The following SLC25A13 variants were observed in gnomAD, a reference collection of about 807,000 sequenced individuals.
SLC25A13 encodes the protein electrogenic aspartate/glutamate antiporter SLC25A13, mitochondrial.
Under a neutral mutation model 85.5 loss-of-function variants are expected in SLC25A13, and 70 were observed. The ratio of observed to expected loss-of-function variants is 0.82; its 90% CI spans 0.68 to 1.00. SLC25A13 has a LOEUF of 1.00. SLC25A13 is among the 50% of genes least tolerant of loss of function. The pLI is 0.00. For missense variants in SLC25A13, 765 were observed against 819.8 expected, an observed-to-expected ratio of 0.93 and a Z score of 0.82; for synonymous variants, 259 against 288.7, an observed-to-expected ratio of 0.90 and a Z score of 1.04.
intron 3 of SLC25A13, among the ~76,000 whole-genome samples, chr7:96,263,683 T>C (rs1367945335): frequency 1.3e-5 from 2 of 152,146 alleles, no homozygotes; most frequent in Non-Finnish European, 2.9e-5. Context: ...TCTCAACTTC[T>C]ATCTTAGTTC....
intron 2 of SLC25A13, 106 bp from the exon 3 acceptor site, chr7:96,277,444 T>C: frequency 9.6e-7 from 1 of 1,044,886 alleles, no homozygotes; most frequent in South Asian, 1.4e-5. Flanking sequence ...CGATAAAATA[T>C]CAGATATGAT....
At chr7:96,254,137 A>C (rs1195804465) in intron 3 of SLC25A13, among the ~76,000 whole-genome samples, 4 of 152,140 alleles carry the variant, frequency 2.6e-5, no homozygotes, top group African/African-American at 9.7e-5. Context: ...AGTCAGATTA[A>C]ACATTATTTC....
chr7:96,193,145 T>C lies in SLC25A13; in HGVS notation c.507A>G (p.Gln169=), dbSNP rs757796108. ...QLEHAKQAFV[Q]RDNARTGRVT... ...CTCTCCCAGTCCTAGCATTGTCCCG[T>C]TGCACAAAGGCTTGCTTTGCGTGCT... Residue 169 remains glutamine (Q), a synonymous_variant, in exon 6 of 18, where the codon CAA becomes CAG. Transcript: ENST00000265631. The C allele has an allele frequency of 1.1e-5, 18 of 1,614,054 alleles. No individual in the cohort carries two copies. Among genetic ancestry groups the C allele is most frequent in the East Asian group, 2.2e-5 (1 of 44,894 alleles).
intron 1 of SLC25A13, among the ~76,000 whole-genome samples, chr7:96,313,775 A>T (rs1234647701): frequency 1.3e-5 from 2 of 152,166 alleles, no homozygotes; most frequent in African/African-American, 4.8e-5. Context: ...AGTTGAAATT[A>T]TTTTTTAAAA....
chr7:96,299,473 G>A (rs1168560306), intron 1 of SLC25A13, among the ~76,000 whole-genome samples: 1 of 152,170 alleles, frequency 6.6e-6, no homozygotes, highest in Non-Finnish European at 1.5e-5. Context: ...TTTTACAGAA[G>A]AGGAAACCAA....
At chr7:96,227,503 A>T (rs1237796173) in intron 4 of SLC25A13, among the ~76,000 whole-genome samples, 2 of 152,240 alleles carry the variant, frequency 1.3e-5, no homozygotes, top group African/African-American at 4.8e-5. Flanking sequence ...CTTAAAGAAT[A>T]AAGTTGAAAA....
intron 1 of SLC25A13, among the ~76,000 whole-genome samples, chr7:96,299,412 G>A (rs1446939346): frequency 2.6e-5 from 4 of 152,174 alleles, no homozygotes; most frequent in East Asian, 1.9e-4. Context: ...CTATTATCTC[G>A]TTGGATTCTC....
chr7:96,172,385 CTG>C (rs1431568726), intron 11 of SLC25A13, among the ~76,000 whole-genome samples: 3 of 152,000 alleles, frequency 2.0e-5, no homozygotes, highest in Non-Finnish European at 4.4e-5. Flanking sequence ...AGGTGAAACC[CTG>C]TCTCTACTAA....
intron 5 of SLC25A13, 74 bp downstream of exon 5, chr7:96,208,764 C>T (rs765776818): frequency 1.5e-5 from 23 of 1,578,830 alleles, no homozygotes; most frequent in Admixed American, 1.3e-4. Context: ...CTCGGCCTCC[C>T]AAAGTGCTAG....
At chr7:96,264,886 AAAAGCAGT>A (rs1367768512) in intron 3 of SLC25A13, among the ~76,000 whole-genome samples, 1 of 152,190 alleles carries the variant, frequency 6.6e-6, no homozygotes, top group Non-Finnish European at 1.5e-5. Context: ...ATTTAGTGAG[AAAAGCAGT>A]TTTATATCTT....
intron 13 of SLC25A13, among the ~76,000 whole-genome samples, chr7:96,158,985 T>G (rs554540128): frequency 1.3e-5 from 2 of 152,326 alleles, no homozygotes; most frequent in South Asian, 4.1e-4. Flanking sequence ...AAAGAGATAT[T>G]CAGCAAATAG....
intron 11 of SLC25A13, among the ~76,000 whole-genome samples, chr7:96,180,174 G>T (rs747281872): frequency 6.6e-4 from 98 of 148,008 alleles, no homozygotes; most frequent in East Asian, 9.8e-4. Flanking sequence ...AAAAAATGTG[G>T]TTTTTTTTTT....
At chr7:96,206,207 C>T (rs1795458075) in intron 5 of SLC25A13, among the ~76,000 whole-genome samples, 1 of 152,228 alleles carries the variant, frequency 6.6e-6, no homozygotes, top group Admixed American at 6.5e-5. Flanking sequence ...AGCTTGTTCA[C>T]ATTTCAAGCA....
chr7:96,224,550 G>A (rs552695623), intron 4 of SLC25A13, among the ~76,000 whole-genome samples: 1 of 152,152 alleles, frequency 6.6e-6, no homozygotes, highest in East Asian at 1.9e-4. Flanking sequence ...CCTTCAGTCA[G>A]AATTCTGTTC....
At chr7:96,229,029 AC>A (rs2116792726) in intron 4 of SLC25A13, among the ~76,000 whole-genome samples, 1 of 152,178 alleles carries the variant, frequency 6.6e-6, no homozygotes, top group Non-Finnish European at 1.5e-5. Flanking sequence ...AGCCTCCCCA[AC>A]GGGTGCCGCC....
At chr7:96,161,802 TC>T in intron 13 of SLC25A13, among the ~76,000 whole-genome samples, 1 of 152,314 alleles carries the variant, frequency 6.6e-6, no homozygotes, top group South Asian at 2.1e-4. Flanking sequence ...TTTAATATGG[TC>T]TTACATTTTG....
chr7:96,255,287 G>T (rs1373640459), intron 3 of SLC25A13, among the ~76,000 whole-genome samples: 1 of 152,166 alleles, frequency 6.6e-6, no homozygotes, highest in Non-Finnish European at 1.5e-5. Flanking sequence ...TGAAAGAGCG[G>T]AGATAGAAAA....
intron 4 of SLC25A13, among the ~76,000 whole-genome samples, chr7:96,233,108 C>T (rs376374620): frequency 6.6e-6 from 1 of 152,198 alleles, no homozygotes; most frequent in Non-Finnish European, 1.5e-5. Context: ...ACCTGAAGCC[C>T]ATTTCTCAGT....
chr7:96,151,077 T>C (rs919687497), intron 13 of SLC25A13, among the ~76,000 whole-genome samples: 1 of 152,166 alleles, frequency 6.6e-6, no homozygotes, highest in Non-Finnish European at 1.5e-5. Flanking sequence ...ACATGTTAGC[T>C]GGGGACTACA....
Sources: gnomAD v4.1 joint callset for allele counts (sites outside exome capture counted in the v4.1 genomes callset) on GRCh38, gnomAD v4.1.1 for gene constraint, MANE v1.5 for transcripts, NCBI Gene and HGNC (gene_info 2026-07-23, HGNC 2026-07-21) for gene names.